RGMB: variants seen among roughly 807,000 people sequenced by gnomAD.
The protein encoded by RGMB is repulsive guidance molecule B.
RGMB carries 16 observed loss-of-function variants against 26.9 expected under a neutral mutation model. That is an observed-to-expected ratio of 0.60 (90% confidence interval 0.40 to 0.90). The LOEUF is 0.90. RGMB is among the 40% of genes least tolerant of loss of function. The pLI, the probability that RGMB is intolerant of heterozygous loss-of-function variation, is 0.00. For missense variants in RGMB, 512 were observed against 573.3 expected (o/e 0.89, Z 1.09); for synonymous variants, 225 against 229.3 (o/e 0.98, Z 0.17).
rs1007229843 is a variant in RGMB at position 98,793,095 on chromosome 5, T to C, written c.656T>C (p.Ile219Thr). 1 of 1,602,000 alleles carries C rather than the reference T, an allele frequency of 6.2e-7. No individual in the cohort carries two copies. The highest frequency in any genetic ancestry group is 1.7e-5 in the Admixed American group (1 of 59,394). The change falls in exon 3 of 3, where the codon ATC becomes ACC. Residue 219 changes from isoleucine (I) to threonine (T), a missense_variant. Coordinates refer to ENST00000513185, the MANE Select transcript of RGMB (RefSeq NM_001366508.1). ...SATATNKITI[I>T]FKAHHECTDQ... ...TGCTCCTTCCCACAGATCACTATTATCTTCAAAGCCCACCATGAGTGTACA... is the reference window on the plus strand; with the variant it reads ...TGCTCCTTCCCACAGATCACTATTACCTTCAAAGCCCACCATGAGTGTACA...
chr5:98,777,255 A>G (rs57293752), intron 1 of RGMB, among the ~76,000 whole-genome samples: 3,357 of 152,290 alleles, frequency 0.022, 126 homozygotes, highest in African/African-American at 0.077. Flanking sequence ...AAAGAAACGT[A>G]TGCTCGGATA....
At chr5:98,792,647 C>T (rs1481426396) in intron 2 of RGMB, among the ~76,000 whole-genome samples, 1 of 147,922 alleles carries the variant, frequency 6.8e-6, no homozygotes, top group African/African-American at 2.5e-5. Flanking sequence ...GGTATATGCC[C>T]TTAGTCCTGT....
At chr5:98,782,138 C>A (rs1337790716) in intron 2 of RGMB, among the ~76,000 whole-genome samples, 1 of 152,206 alleles carries the variant, frequency 6.6e-6, no homozygotes, top group Non-Finnish European at 1.5e-5. Context: ...AGCCTCACTT[C>A]ACAACCTCTA....
chr5:98,787,312 A>G (rs895850935), intron 2 of RGMB, among the ~76,000 whole-genome samples: 1 of 152,202 alleles, frequency 6.6e-6, no homozygotes, highest in African/African-American at 2.4e-5. Context: ...AAAATGATCA[A>G]AGAGCCTGTG....
intron 2 of RGMB, among the ~76,000 whole-genome samples, chr5:98,782,257 C>T (rs1040423997): frequency 2.0e-5 from 3 of 152,272 alleles, no homozygotes; most frequent in East Asian, 1.9e-4. Context: ...ACTAGTATGA[C>T]GTGTGCTGGT....
At chr5:98,789,906 G>A (rs900770784) in intron 2 of RGMB, among the ~76,000 whole-genome samples, 3 of 152,180 alleles carry the variant, frequency 2.0e-5, no homozygotes, top group Non-Finnish European at 4.4e-5. Context: ...ACAATTTTAT[G>A]TATTCAGTTT....
intron 1 of RGMB, 96 bp downstream of exon 1, chr5:98,774,302 G>A: frequency 8.1e-7 from 1 of 1,233,888 alleles, no homozygotes; most frequent in Non-Finnish European, 1.0e-6. Context: ...GGGCGGAAGG[G>A]CGGCGTGGCG....
In RGMB at chr5:98,793,923, CAT is replaced by C; in HGVS notation, c.*173_*174del. 3 of 566,178 alleles carry C rather than the reference CAT, an allele frequency of 5.3e-6. No individual in the cohort carries two copies. The highest frequency in any genetic ancestry group is 9.1e-6 in the Non-Finnish European group (3 of 330,540). The allele number at this position is 566,178 out of a possible 1,614,324, so 35.1% of individuals were successfully genotyped here. ...TACATACTGTGTTTGGCTGTTTTCA[CAT>C]ATGTTGGATGTAGTGTTCTTTGATT... On this transcript the variant is annotated 3_prime_UTR_variant, in exon 3 of 3. Transcript: ENST00000513185.
At chr5:98,773,334 T>C (rs994827514), upstream of RGMB, 1 of 152,282 alleles carries the variant, frequency 6.6e-6, no homozygotes, top group African/African-American at 2.4e-5. Context: ...AGAGTAAGAC[T>C]TGCGGTCGCC....
At chr5:98,791,978 G>A (rs1746943848) in intron 2 of RGMB, among the ~76,000 whole-genome samples, 2 of 152,304 alleles carry the variant, frequency 1.3e-5, no homozygotes, top group East Asian at 1.9e-4. Context: ...ATCGAGAGTT[G>A]GCTGGGAAAA....
chr5:98,792,137 T>A (rs1314987260), intron 2 of RGMB, among the ~76,000 whole-genome samples: 3 of 152,206 alleles, frequency 2.0e-5, no homozygotes, highest in Non-Finnish European at 4.4e-5. Flanking sequence ...TGTGAAACAT[T>A]TGATTAAGGG....
chr5:98,784,485 G>C (rs973032935), intron 2 of RGMB, among the ~76,000 whole-genome samples: 1 of 152,188 alleles, frequency 6.6e-6, no homozygotes, highest in Non-Finnish European at 1.5e-5. Flanking sequence ...TAGGCTCCTA[G>C]AGCATGAGGT....
At chr5:98,769,944 C>CA (rs1746098002), upstream of RGMB, 1 of 152,470 alleles carries the variant, frequency 6.6e-6, no homozygotes, top group South Asian at 2.1e-4. Context: ...CTCCGCAGAG[C>CA]AAACAGCGCC....
rs1244527854 is a variant in RGMB at position 98,773,912 on chromosome 5, T to TGCG, written c.-154_-152dup. 3 of 543,670 alleles carry TGCG rather than the reference T, an allele frequency of 5.5e-6. No homozygotes were observed. Among genetic ancestry groups the TGCG allele is most frequent in the Non-Finnish European group, 6.5e-6 (2 of 309,282 alleles). The allele number at this position is 543,670 out of a possible 1,614,324, so 33.7% of individuals were successfully genotyped here. A position where few individuals can be genotyped will look rare whatever the true frequency, so the allele number is the denominator to read the frequency against. On this transcript the variant is annotated 5_prime_UTR_variant, in exon 1 of 3. Coordinates refer to ENST00000513185, the MANE Select transcript of RGMB (RefSeq NM_001366508.1). ...GCTGCGCCGGCTGCGCGCTGCTTGC[T>TGCG]GCGGCGGTGGTGGCGCCCCATCTGC...
chr5:98,769,587 G>C (rs1040606348), upstream of RGMB: 14 of 152,596 alleles, frequency 9.2e-5, no homozygotes, highest in African/African-American at 2.9e-4. Flanking sequence ...TATTTTCCCA[G>C]CTGGCAAGCG....
rs1331566158 is a variant in RGMB at position 98,779,833 on chromosome 5, C to G, written c.390C>G (p.Thr130=). ...CCAAGGATGGACCCACATCCTCTAC[C>G]AACCCCGAAGTGACCCATGATCCTT... is the stretch of plus-strand genomic sequence containing the variant. ...NCSKDGPTSS[T]NPEVTHDPCN... Residue 130 remains threonine (T), a synonymous_variant, in exon 2 of 3, where the codon ACC becomes ACG. Transcript: ENST00000513185. The G allele has an allele frequency of 6.2e-7, 1 of 1,614,052 alleles. No homozygotes were observed. Among genetic ancestry groups the G allele is most frequent in the South Asian group, 1.1e-5 (1 of 91,082 alleles).
chr5:98,790,081 T>C (rs959755863), intron 2 of RGMB, among the ~76,000 whole-genome samples: 19 of 152,232 alleles, frequency 1.2e-4, no homozygotes, highest in African/African-American at 4.1e-4. Flanking sequence ...ATTGGCTGAG[T>C]ACTTGCCTTT....
intron 1 of RGMB, among the ~76,000 whole-genome samples, chr5:98,775,272 G>A (rs1407407387): frequency 6.6e-6 from 1 of 152,020 alleles, no homozygotes; most frequent in Non-Finnish European, 1.5e-5. Context: ...TTTAAGTAAT[G>A]GGGGGGAAAA....
rs1401266033 is a variant in RGMB, at chr5:98,796,389, T to C, written c.*2636T>C. On this transcript the variant is annotated 3_prime_UTR_variant, in exon 3 of 3. Transcript: ENST00000513185. ...TTTGCAAAGAAACCTTTAGATGTGGTTCATAGATATATGAATACGTATCTG... is the reference window on the plus strand; with the variant it reads ...TTTGCAAAGAAACCTTTAGATGTGGCTCATAGATATATGAATACGTATCTG... 6.9e-6 allele frequency: 1 copy of C among 145,302 alleles called. No individual in the cohort carries two copies. Among genetic ancestry groups the C allele is most frequent in the Non-Finnish European group, 1.5e-5 (1 of 66,518 alleles). The allele number at this position is 145,302 out of a possible 1,614,324, so 9.0% of individuals were successfully genotyped here.
Sources: gnomAD v4.1 joint callset for allele counts (sites outside exome capture counted in the v4.1 genomes callset) on GRCh38, gnomAD v4.1.1 for gene constraint, MANE v1.5 for transcripts, NCBI Gene and HGNC (gene_info 2026-07-23, HGNC 2026-07-21) for gene names.